The following TRDMT1 variants were observed in gnomAD, a reference collection of about 807,000 sequenced individuals.
TRDMT1 encodes the protein tRNA (cytosine(38)-C(5))-methyltransferase.
Under a neutral mutation model 51.2 loss-of-function variants are expected in TRDMT1, and 49 were observed. The observed-to-expected ratio is 0.96, with a 90% CI of 0.76 to 1.21. TRDMT1 has a LOEUF of 1.21. TRDMT1 is among the 50% of genes most tolerant of loss of function. The probability of loss-of-function intolerance (pLI) is 0.00; values close to 1 mark genes in which losing one functional copy is unlikely to be tolerated. For missense variants in TRDMT1, 534 were observed against 462.3 expected, an observed-to-expected ratio of 1.16 and a Z score of -1.42; for synonymous variants, 187 against 164.6, an observed-to-expected ratio of 1.14 and a Z score of -1.04.
chr10:17,201,509 C>A, intron 1 of TRDMT1, 62 bp downstream of exon 1: 2 of 1,501,100 alleles, frequency 1.3e-6, no homozygotes, highest in South Asian at 2.4e-5. Context: ...CCCTTCCCGG[C>A]GCGGGTGCTC....
intron 7 of TRDMT1, among the ~76,000 whole-genome samples, chr10:17,158,162 T>C (rs1379700701): frequency 6.6e-6 from 1 of 152,026 alleles, no homozygotes; most frequent in Non-Finnish European, 1.5e-5. Context: ...TTTGCCATAC[T>C]CCTTCATTAA....
In TRDMT1 at chr10:17,147,263, G is replaced by C. The variant is rs1323394908; in HGVS notation, c.*1777C>G. Reference sequence around the variant, plus strand: ...ATTTATGAGACTTGTAATAGGCTCTGTCTGAACACATATGAAAAATGTAGA... The same window carrying C: ...ATTTATGAGACTTGTAATAGGCTCTCTCTGAACACATATGAAAAATGTAGA... On this transcript the variant is annotated 3_prime_UTR_variant, in exon 11 of 11. Coordinates refer to ENST00000377799, the MANE Select transcript of TRDMT1 (RefSeq NM_004412.7). The C allele has an allele frequency of 7.1e-6, 7 of 985,574 alleles. No homozygotes were observed. The African/African-American group carries it at 1.0e-4, about 15-fold the overall frequency. 61.1% of individuals were successfully genotyped at this position (985,574 alleles called of 1,614,324 possible).
chr10:17,153,340 C>T (rs913922335), intron 10 of TRDMT1, 167 bp downstream of exon 10: 3 of 725,660 alleles, frequency 4.1e-6, no homozygotes, highest in Admixed American at 3.1e-5. Context: ...CCGAATGAGG[C>T]AGTTATGAGG....
In TRDMT1 at chr10:17,153,505, A is replaced by G; in HGVS notation, c.1075+2T>C. 6.2e-7 allele frequency: 1 copy of G among 1,613,994 alleles called. No individual in the cohort carries two copies. Among genetic ancestry groups the G allele is most frequent in the Admixed American group, 1.7e-5 (1 of 59,982 alleles). ...GCTGAATTCTGCACGTATCCCACATACCGAACTCTGGAGGAAATCCAAGGA... is the reference window on the plus strand; with the variant it reads ...GCTGAATTCTGCACGTATCCCACATGCCGAACTCTGGAGGAAATCCAAGGA... On this transcript the variant is annotated splice_donor_variant, in intron 10 of 10. Coordinates refer to ENST00000377799, the MANE Select transcript of TRDMT1 (RefSeq NM_004412.7). LOFTEE classifies it high-confidence loss of function.
rs1326863574 is a variant in TRDMT1, at chr10:17,139,660, T to G, written c.*9380A>C. Among the ~76,000 whole-genome samples, 1 of 152,162 alleles carries G rather than the reference T, an allele frequency of 6.6e-6. No homozygotes were observed. Among genetic ancestry groups the G allele is most frequent in the Non-Finnish European group, 1.5e-5 (1 of 68,034 alleles). On this transcript the variant is annotated 3_prime_UTR_variant, in exon 11 of 11. Coordinates refer to ENST00000377799, the MANE Select transcript of TRDMT1 (RefSeq NM_004412.7). ...ATCTTTATCTTGTGAGAGGAAGCTT[T>G]GCATTACGGATGTGATTTACGGTTA...
At chr10:17,179,756 A>G (rs1244331379) in intron 1 of TRDMT1, among the ~76,000 whole-genome samples, 1 of 10,126 alleles carries the variant, frequency 9.9e-5, no homozygotes, top group Non-Finnish European at 5.1e-4. Flanking sequence ...TCTACTAATA[A>G]AAAAAAAAAA....
At position 17,147,195 on chromosome 10, in the gene TRDMT1, C is replaced by T; in HGVS notation, c.*1845G>A. On this transcript the variant is annotated 3_prime_UTR_variant, in exon 11 of 11. Coordinates refer to ENST00000377799, the MANE Select transcript of TRDMT1 (RefSeq NM_004412.7). Reference sequence around the variant, plus strand: ...AGAATATTTCAGCAGTGAACAGAACCTACATGAAAGTGTGCCAAAATAATT... The same window carrying T: ...AGAATATTTCAGCAGTGAACAGAACTTACATGAAAGTGTGCCAAAATAATT... 1.0e-6 allele frequency: 1 copy of T among 985,756 alleles called. No individual in the cohort carries two copies. The highest frequency in any genetic ancestry group is 1.2e-6 in the Non-Finnish European group (1 of 829,906). 61.1% of individuals were successfully genotyped at this position (985,756 alleles called of 1,614,324 possible). A position where few individuals can be genotyped will look rare whatever the true frequency, so the allele number is the denominator to read the frequency against.
At chr10:17,167,412 T>A (rs1228710495) in intron 3 of TRDMT1, among the ~76,000 whole-genome samples, 1 of 152,192 alleles carries the variant, frequency 6.6e-6, no homozygotes, top group Non-Finnish European at 1.5e-5. Flanking sequence ...TGCCCCAGTT[T>A]CTCATCTGTA....
chr10:17,183,618 C>A (rs909404180), intron 1 of TRDMT1, among the ~76,000 whole-genome samples: 1 of 152,084 alleles, frequency 6.6e-6, no homozygotes, highest in African/African-American at 2.4e-5. Context: ...AGGGTTTCAC[C>A]ACATTGGCCA....
chr10:17,158,023 TA>T (rs977869182), intron 7 of TRDMT1, among the ~76,000 whole-genome samples: 1 of 152,188 alleles, frequency 6.6e-6, no homozygotes, highest in African/African-American at 2.4e-5. Flanking sequence ...CAGTATTTAT[TA>T]ATAAAAACAT....
At chr10:17,175,051 T>G (rs1315465570) in intron 1 of TRDMT1, among the ~76,000 whole-genome samples, 1 of 152,244 alleles carries the variant, frequency 6.6e-6, no homozygotes, top group African/African-American at 2.4e-5. Flanking sequence ...ATAAATAAAC[T>G]ACCATTTGTT....
intron 10 of TRDMT1, chr10:17,153,077 C>A (rs1158200095): frequency 9.8e-6 from 2 of 204,740 alleles, no homozygotes; most frequent in Non-Finnish European, 2.0e-5. Flanking sequence ...TACCAATACA[C>A]CCCCACCCTT....
chr10:17,170,760 T>A (rs537635700), intron 2 of TRDMT1, among the ~76,000 whole-genome samples: 3 of 152,340 alleles, frequency 2.0e-5, no homozygotes, highest in South Asian at 2.1e-4. Context: ...TTTCTTGTTA[T>A]ACAGATTCTT....
chr10:17,144,513 G>A lies in TRDMT1; in HGVS notation c.*4527C>T, dbSNP rs1564540854. 1.0e-6 allele frequency: 1 copy of A among 985,788 alleles called. No individual in the cohort carries two copies. The highest frequency in any genetic ancestry group is 1.2e-6 in the Non-Finnish European group (1 of 829,914). 61.1% of individuals were successfully genotyped at this position (985,788 alleles called of 1,614,324 possible). On this transcript the variant is annotated 3_prime_UTR_variant, in exon 11 of 11. Transcript: ENST00000377799. ...TAGGAGTCAAGTGTGGTGTACTTGA[G>A]GGAGACTTCAGTAAGTGCTGGATGT...
intron 3 of TRDMT1, among the ~76,000 whole-genome samples, chr10:17,165,307 G>A (rs1363105343): frequency 6.6e-6 from 1 of 152,192 alleles, no homozygotes; most frequent in Admixed American, 6.5e-5. Context: ...TGGCAAAACT[G>A]GCTAGCCATA....
At position 17,147,825 on chromosome 10, in the gene TRDMT1, T is replaced by C. The variant is rs191725738; in HGVS notation, c.*1215A>G. The C allele has an allele frequency of 1.1e-3, 232 of 213,124 alleles. 1 individual carries two copies. The highest frequency in any genetic ancestry group is 5.3e-3 in the African/African-American group (225 of 42,702). The allele number at this position is 213,124 out of a possible 1,614,324, so 13.2% of individuals were successfully genotyped here. ...CCTGCTTTCAATTCTTTTGGATCTA[T>C]AGCCAGAGGTGGAATCGCTGAATCA... On this transcript the variant is annotated 3_prime_UTR_variant, in exon 11 of 11. Coordinates refer to ENST00000377799, the MANE Select transcript of TRDMT1 (RefSeq NM_004412.7).
chr10:17,189,308 G>A (rs1391260902), intron 1 of TRDMT1, among the ~76,000 whole-genome samples: 1 of 152,124 alleles, frequency 6.6e-6, no homozygotes, highest in Non-Finnish European at 1.5e-5. Context: ...TGAAGGAAAT[G>A]CAAAAGATGA....
At chr10:17,191,131 G>T (rs1844627787) in intron 1 of TRDMT1, among the ~76,000 whole-genome samples, 1 of 152,164 alleles carries the variant, frequency 6.6e-6, no homozygotes, top group African/African-American at 2.4e-5. Flanking sequence ...ACAACCAGGA[G>T]GCCAGGGAGC....
At chr10:17,153,346 T>C in intron 10 of TRDMT1, 161 bp downstream of exon 10, 1 of 774,864 alleles carries the variant, frequency 1.3e-6, no homozygotes, top group Non-Finnish European at 2.0e-6. Flanking sequence ...GAGGCAGTTA[T>C]GAGGGGAAAG....
Sources: gnomAD v4.1 joint callset for allele counts (sites outside exome capture counted in the v4.1 genomes callset) on GRCh38, gnomAD v4.1.1 for gene constraint, MANE v1.5 for transcripts, NCBI Gene and HGNC (gene_info 2026-07-23, HGNC 2026-07-21) for gene names.